AUTS2: variants seen among roughly 807,000 people sequenced by gnomAD.
AUTS2 encodes the protein autism susceptibility gene 2 protein.
In AUTS2, 17 loss-of-function variants were observed where a neutral mutation model predicts 112.4. That is an observed-to-expected ratio of 0.15 (90% CI 0.10 to 0.23). The LOEUF (loss-of-function observed/expected upper bound fraction) is 0.23. AUTS2 is among the 10% of genes least tolerant of loss of function. AUTS2 has a pLI of 1.00. For synonymous variants in AUTS2, 751 were observed against 702.7 expected, an observed-to-expected ratio of 1.07 and a Z score of -1.09; for missense variants, 1,510 against 1,701.6, an observed-to-expected ratio of 0.89 and a Z score of 1.98.
chr7:70,613,931 G>A lies in AUTS2; in HGVS notation c.691-84638G>A, dbSNP rs117967774. Reference sequence around the variant, plus strand: ...CACTGATTTTTAGTTTAGTGTCCCAGTAGTACCTAAAAGTGACAAAAATCC... The same window carrying A: ...CACTGATTTTTAGTTTAGTGTCCCAATAGTACCTAAAAGTGACAAAAATCC... On this transcript the variant is annotated intron_variant, in intron 5 of 18. Transcript: ENST00000342771. 8.0e-3 allele frequency among the ~76,000 whole-genome samples: 1,216 copies of A among 152,330 alleles called. 12 individuals are homozygous for A. The highest frequency in any genetic ancestry group is 0.013 in the Non-Finnish European group (887 of 68,040).
chr7:70,435,992 T>C (rs1795878538), intron 5 of AUTS2: 2 of 493,264 alleles, frequency 4.1e-6, no homozygotes, highest in Non-Finnish European at 7.2e-6. Flanking sequence ...AAACAAGACC[T>C]TTAATATTGC....
intron 1 of AUTS2, among the ~76,000 whole-genome samples, chr7:69,801,556 A>G (rs1790083735): frequency 6.6e-6 from 1 of 151,504 alleles, no homozygotes; most frequent in South Asian, 2.1e-4. Context: ...ATATACATAA[A>G]TATGTTTGTG....
At chr7:70,141,016 G>T (rs981210553) in intron 4 of AUTS2, among the ~76,000 whole-genome samples, 1 of 152,194 alleles carries the variant, frequency 6.6e-6, no homozygotes, top group Non-Finnish European at 1.5e-5. Flanking sequence ...TATGAGAAGT[G>T]TAAGTAGAGC....
At chr7:70,255,455 ATCTT>A (rs1786819070) in intron 4 of AUTS2, among the ~76,000 whole-genome samples, 1 of 152,316 alleles carries the variant, frequency 6.6e-6, no homozygotes, top group South Asian at 2.1e-4. Flanking sequence ...GAAATAAGTT[ATCTT>A]TCTGTTTTCC....
intron 5 of AUTS2, among the ~76,000 whole-genome samples, chr7:70,468,858 C>T (rs560073915): frequency 6.6e-6 from 1 of 152,052 alleles, no homozygotes; most frequent in Non-Finnish European, 1.5e-5. Flanking sequence ...TCAAGGTCTT[C>T]GACAAGGTCT....
intron 1 of AUTS2, among the ~76,000 whole-genome samples, chr7:69,612,535 C>G (rs369881695): frequency 1.3e-5 from 2 of 152,048 alleles, no homozygotes; most frequent in Non-Finnish European, 2.9e-5. Context: ...TCATGGCTCA[C>G]TGCAGCCTCG....
At chr7:70,737,585 T>C (rs992046001) in intron 6 of AUTS2, among the ~76,000 whole-genome samples, 1 of 152,248 alleles carries the variant, frequency 6.6e-6, no homozygotes, top group Non-Finnish European at 1.5e-5. Context: ...CTCTCCAACC[T>C]AATTTTACCG....
intron 5 of AUTS2, among the ~76,000 whole-genome samples, chr7:70,495,551 C>A (rs958458250): frequency 1.1e-4 from 16 of 150,492 alleles, no homozygotes; most frequent in Middle Eastern, 3.4e-3. Flanking sequence ...AGACACACAC[C>A]CCCCGCACAT....
chr7:70,446,202 A>G (rs192889462), intron 5 of AUTS2, among the ~76,000 whole-genome samples: 1 of 152,276 alleles, frequency 6.6e-6, no homozygotes, highest in East Asian at 1.9e-4. Flanking sequence ...TTCTTTTTTA[A>G]CAGCAAATGC....
chr7:70,002,412 CTATCCTTGGCTCTATCT>C (rs1368922021), intron 2 of AUTS2, among the ~76,000 whole-genome samples: 2 of 152,106 alleles, frequency 1.3e-5, no homozygotes, highest in African/African-American at 2.4e-5. Flanking sequence ...CATAAATAAT[CTATCCTTGGCTCTATCT>C]TATCCAGATT....
At chr7:69,770,801 T>C (rs1280170577) in intron 1 of AUTS2, among the ~76,000 whole-genome samples, 3 of 145,332 alleles carry the variant, frequency 2.1e-5, no homozygotes, top group South Asian at 2.3e-4. Flanking sequence ...TTGCTTTTTT[T>C]CCCCCCTCAC....
chr7:70,548,192 C>A (rs910533276), intron 5 of AUTS2, among the ~76,000 whole-genome samples: 1 of 152,150 alleles, frequency 6.6e-6, no homozygotes. Context: ...TGTTGAGCAT[C>A]TTTTCATTTG....
intron 2 of AUTS2, among the ~76,000 whole-genome samples, chr7:69,909,147 TATC>T (rs1472655487): frequency 6.6e-6 from 1 of 152,264 alleles, no homozygotes; most frequent in African/African-American, 2.4e-5. Context: ...AAATTAATTT[TATC>T]AATAATTGGA....
At position 69,818,363 on chromosome 7, in the gene AUTS2, T is replaced by C. The variant is rs757168890; in HGVS notation, c.310-80923T>C. 3.7e-4 allele frequency among the ~76,000 whole-genome samples: 57 copies of C among 152,138 alleles called. 1 individual carries two copies. Among genetic ancestry groups the C allele is most frequent in the Non-Finnish European group, 2.2e-4 (15 of 68,034 alleles). On this transcript the variant is annotated intron_variant, in intron 1 of 18. Transcript: ENST00000342771. ...GTGCAGGTTGTGGCAAAAATGATAA[T>C]AAATAGAGAGCTGGTGAGGGTAGAT...
At chr7:70,243,885 A>G (rs968368823) in intron 4 of AUTS2, among the ~76,000 whole-genome samples, 28 of 151,928 alleles carry the variant, frequency 1.8e-4, no homozygotes, top group African/African-American at 6.3e-4. Context: ...TCTCATTTTT[A>G]CCTTGACAGT....
At chr7:70,508,527 C>T (rs768497942) in intron 5 of AUTS2, among the ~76,000 whole-genome samples, 56 of 152,262 alleles carry the variant, frequency 3.7e-4, no homozygotes, top group Non-Finnish European at 7.1e-4. Context: ...ATCCTTCCTC[C>T]GCCTTCCCAA....
At chr7:70,355,216 T>C (rs984458856) in intron 4 of AUTS2, among the ~76,000 whole-genome samples, 2 of 152,074 alleles carry the variant, frequency 1.3e-5, no homozygotes, top group Non-Finnish European at 2.9e-5. Flanking sequence ...TTTCTGACCC[T>C]TCCTCCCCTT....
chr7:69,844,359 T>C (rs748954207), intron 1 of AUTS2, among the ~76,000 whole-genome samples: 4 of 152,180 alleles, frequency 2.6e-5, no homozygotes, highest in Admixed American at 6.5e-5. Context: ...ATGAAATAAA[T>C]TAAACAGACA....
At chr7:70,677,944 G>A (rs1183555621) in intron 5 of AUTS2, among the ~76,000 whole-genome samples, 2 of 152,050 alleles carry the variant, frequency 1.3e-5, no homozygotes, top group African/African-American at 4.8e-5. Context: ...TTAGCCAGGC[G>A]TGGTGGCGGG....
Sources: gnomAD v4.1 joint callset for allele counts (sites outside exome capture counted in the v4.1 genomes callset) on GRCh38, gnomAD v4.1.1 for gene constraint, MANE v1.5 for transcripts, NCBI Gene and HGNC (gene_info 2026-07-23, HGNC 2026-07-21) for gene names.